Variants in VPS13B observed in about 807,000 individuals in gnomAD.
VPS13B encodes vacuolar protein sorting 13 homolog B, also known as intermembrane lipid transfer protein VPS13B.
A neutral mutation model predicts 426.4 loss-of-function variants in VPS13B; 285 were observed. The observed-to-expected ratio is 0.67, with a 90% confidence interval of 0.61 to 0.74. The LOEUF is 0.74. Among genes scored for constraint, VPS13B ranks in the 30% least tolerant of loss-of-function variants. The pLI is 0.00. For synonymous variants in VPS13B, 1,676 were observed against 1,676.4 expected, an observed-to-expected ratio of 1.00 and a Z score of 0.01; for missense variants, 4,537 against 4,782.6, an observed-to-expected ratio of 0.95 and a Z score of 1.51.
At chr8:99,685,064 G>T (rs1450870218) in intron 35 of VPS13B, among the ~76,000 whole-genome samples, 2 of 152,208 alleles carry the variant, frequency 1.3e-5, no homozygotes, top group Non-Finnish European at 2.9e-5. Context: ...GCCTACCAAA[G>T]GGCTGGGATT....
At position 99,013,360 on chromosome 8, in the gene VPS13B, T is replaced by C. The variant is rs1587911767; in HGVS notation, c.-30+13T>C. ...GGTACTCTGGCGTGTGAGCCGAGGG[T>C]GGAGTGCAGAGGGAGCGGGAGCGGG... On this transcript the variant is annotated intron_variant, in intron 1 of 61. Coordinates refer to ENST00000357162, the MANE Select transcript of VPS13B (RefSeq NM_152564.5). 2 of 279,436 alleles carry C rather than the reference T, an allele frequency of 7.2e-6. No homozygotes were observed. The highest frequency in any genetic ancestry group is 4.4e-5 in the African/African-American group (2 of 45,222). 17.3% of individuals were successfully genotyped at this position (279,436 alleles called of 1,614,324 possible).
At chr8:99,726,164 A>G (rs1381547904) in intron 39 of VPS13B, among the ~76,000 whole-genome samples, 1 of 152,232 alleles carries the variant, frequency 6.6e-6, no homozygotes, top group Non-Finnish European at 1.5e-5. Flanking sequence ...ATAATAATAA[A>G]TCAAACTAAT....
At chr8:99,242,437 T>C (rs955404780) in intron 17 of VPS13B, among the ~76,000 whole-genome samples, 1 of 152,260 alleles carries the variant, frequency 6.6e-6, no homozygotes, top group Non-Finnish European at 1.5e-5. Context: ...ATATTTGTTT[T>C]TGTTTTATTT....
intron 23 of VPS13B, among the ~76,000 whole-genome samples, chr8:99,458,164 G>A (rs1437771346): frequency 4.7e-5 from 7 of 150,248 alleles, no homozygotes; most frequent in Non-Finnish European, 8.9e-5. Context: ...GAGAACATGC[G>A]GTGTTTGGTT....
intron 35 of VPS13B, among the ~76,000 whole-genome samples, chr8:99,673,065 A>T (rs898173341): frequency 6.6e-6 from 1 of 152,046 alleles, no homozygotes; most frequent in African/African-American, 2.4e-5. Flanking sequence ...ATCTATGTTC[A>T]TCCTGGATAT....
chr8:99,459,379 A>T (rs1818710010), intron 23 of VPS13B, among the ~76,000 whole-genome samples: 1 of 152,140 alleles, frequency 6.6e-6, no homozygotes, highest in African/African-American at 2.4e-5. Context: ...AAATTCTGTC[A>T]GTTTTTGGTT....
chr8:99,481,735 G>T lies in VPS13B; in HGVS notation c.3803G>T (p.Ser1268Ile), dbSNP rs1201520602. The change falls in exon 25 of 62, where the codon AGT becomes ATT. Residue 1268 changes from serine to isoleucine, a missense_variant. Coordinates refer to ENST00000357162, the MANE Select transcript of VPS13B (RefSeq NM_152564.5). ...GPVPTSPVRS[S>I]IGTAPPDTST... ...GTTCCTACTTCTCCAGTTAGAAGCAGTATAGGCACAGCTCCTCCAGATACC... is the reference window on the plus strand; with the variant it reads ...GTTCCTACTTCTCCAGTTAGAAGCATTATAGGCACAGCTCCTCCAGATACC... 6.2e-7 allele frequency: 1 copy of T among 1,613,964 alleles called. No individual in the cohort carries two copies.
chr8:99,306,380 T>C (rs1398677655), intron 19 of VPS13B, among the ~76,000 whole-genome samples: 2 of 152,068 alleles, frequency 1.3e-5, no homozygotes, highest in African/African-American at 4.8e-5. Context: ...GGTATTTGAC[T>C]ATTAAGTGAG....
At chr8:99,858,769 C>G (rs529026652) in intron 56 of VPS13B, among the ~76,000 whole-genome samples, 2 of 152,186 alleles carry the variant, frequency 1.3e-5, no homozygotes, top group Admixed American at 1.3e-4. Context: ...GGGTCTAGCT[C>G]TGCTCCAAAG....
chr8:99,189,700 A>G (rs940312341), intron 16 of VPS13B, among the ~76,000 whole-genome samples: 2 of 151,744 alleles, frequency 1.3e-5, no homozygotes, highest in Non-Finnish European at 2.9e-5. Flanking sequence ...TTATTTTTGT[A>G]TTTCTAGATT....
At chr8:99,821,956 A>C (rs1448375344) in intron 50 of VPS13B, among the ~76,000 whole-genome samples, 4 of 152,228 alleles carry the variant, frequency 2.6e-5, no homozygotes, top group African/African-American at 9.6e-5. Context: ...TTATATGAGG[A>C]AGTTATATTC....
At chr8:99,831,285 C>G (rs1054569954) in intron 51 of VPS13B, among the ~76,000 whole-genome samples, 2 of 151,812 alleles carry the variant, frequency 1.3e-5, no homozygotes, top group African/African-American at 4.8e-5. Flanking sequence ...GTTGGCCAGG[C>G]TGGTCTCAAA....
intron 20 of VPS13B, among the ~76,000 whole-genome samples, chr8:99,390,389 A>G (rs1030192781): frequency 7.4e-4 from 113 of 152,320 alleles, no homozygotes; most frequent in African/African-American, 2.6e-3. Flanking sequence ...GGCGTGAGCC[A>G]CCGCACCCAG....
At chr8:99,610,223 A>C (rs756504400) in intron 33 of VPS13B, among the ~76,000 whole-genome samples, 192 of 152,150 alleles carry the variant, frequency 1.3e-3, no homozygotes, top group South Asian at 1.2e-3. Context: ...CATTTGACCC[A>C]CCAATCCCAT....
At chr8:99,040,261 T>C (rs1842916336) in intron 3 of VPS13B, among the ~76,000 whole-genome samples, 2 of 152,188 alleles carry the variant, frequency 1.3e-5, no homozygotes, top group Non-Finnish European at 2.9e-5. Context: ...AACTAATACT[T>C]GATATTGGAC....
intron 30 of VPS13B, among the ~76,000 whole-genome samples, chr8:99,554,756 A>G (rs1824464432): frequency 1.3e-5 from 2 of 152,102 alleles, no homozygotes. Context: ...TTACACCAAT[A>G]TTTAAATGAA....
At chr8:99,043,893 C>G (rs1344607089) in intron 3 of VPS13B, among the ~76,000 whole-genome samples, 1 of 151,986 alleles carries the variant, frequency 6.6e-6, no homozygotes, top group Non-Finnish European at 1.5e-5. Flanking sequence ...GTCTCTGTAT[C>G]TTAAGTATCT....
intron 5 of VPS13B, among the ~76,000 whole-genome samples, chr8:99,106,518 C>T (rs1432379185): frequency 6.7e-6 from 1 of 150,296 alleles, no homozygotes; most frequent in African/African-American, 2.4e-5. Context: ...AATGAACATA[C>T]TCTTGTAACC....
intron 56 of VPS13B, among the ~76,000 whole-genome samples, chr8:99,858,174 G>C (rs2130929828): frequency 6.6e-6 from 1 of 152,254 alleles, no homozygotes; most frequent in Middle Eastern, 3.4e-3. Flanking sequence ...CACCAGGCTG[G>C]GGAGGTCAGT....
Sources: allele counts gnomAD v4.1 joint callset (sites outside exome capture counted in the v4.1 genomes callset), GRCh38; gene constraint gnomAD v4.1.1; transcripts MANE v1.5; gene names NCBI Gene and HGNC (gene_info 2026-07-23, HGNC 2026-07-21).